Variants in CUBN observed in about 807,000 individuals in gnomAD.
CUBN encodes cubilin.
In CUBN, 282 loss-of-function variants were observed where a neutral mutation model predicts 405.3. The ratio of observed to expected loss-of-function variants is 0.70; its 90% CI spans 0.63 to 0.77. The LOEUF (loss-of-function observed/expected upper bound fraction) is 0.77. CUBN is among the 30% of genes least tolerant of loss of function. CUBN has a pLI of 0.00. For missense variants in CUBN, 4,514 were observed against 4,475.2 expected (o/e 1.01, Z -0.25); for synonymous variants, 1,684 against 1,617.0 (o/e 1.04, Z -0.99).
chr10:16,975,336 T>C (rs1260674590), intron 31 of CUBN, among the ~76,000 whole-genome samples: 1 of 152,210 alleles, frequency 6.6e-6, no homozygotes, highest in Non-Finnish European at 1.5e-5. Context: ...CATGCTGAAA[T>C]ATGGCAGTGT....
intron 17 of CUBN, among the ~76,000 whole-genome samples, chr10:17,079,386 C>A (rs1464842267): frequency 6.6e-6 from 1 of 151,880 alleles, no homozygotes; most frequent in Non-Finnish European, 1.5e-5. Context: ...CAGGTGCCCA[C>A]CATCACACTT....
intron 23 of CUBN, among the ~76,000 whole-genome samples, chr10:17,046,373 T>C (rs1406134582): frequency 6.6e-6 from 1 of 152,188 alleles, no homozygotes; most frequent in Non-Finnish European, 1.5e-5. Context: ...TCTTCACCCT[T>C]TCGAATAAAG....
At chr10:17,092,134 A>C (rs1180758141) in intron 14 of CUBN, among the ~76,000 whole-genome samples, 49 of 152,152 alleles carry the variant, frequency 3.2e-4, no homozygotes, top group Non-Finnish European at 1.0e-4. Flanking sequence ...TGTAGCACCA[A>C]CTGGCAGACT....
intron 54 of CUBN, among the ~76,000 whole-genome samples, chr10:16,891,881 C>T (rs567236297): frequency 4.5e-4 from 68 of 152,040 alleles, no homozygotes; most frequent in African/African-American, 1.4e-3. Context: ...AGGACTATTG[C>T]TACACAATCT....
At chr10:17,030,909 ACT>A (rs1834772817) in intron 27 of CUBN, among the ~76,000 whole-genome samples, 1 of 152,006 alleles carries the variant, frequency 6.6e-6, no homozygotes, top group South Asian at 2.1e-4. Context: ...ACAGAGTAAG[ACT>A]CTGTCTCAAA....
Position 16,948,542 on chromosome 10 carries a change from T to C in CUBN, c.5145A>G (p.Arg1715=), listed in dbSNP as rs1176269304. 2 of 1,613,890 alleles carry C rather than the reference T, an allele frequency of 1.2e-6. No homozygotes were observed. Among genetic ancestry groups the C allele is most frequent in the Non-Finnish European group, 1.7e-6 (2 of 1,179,988 alleles). ...ITSFSSALTL[R]FVSDSSISAG... The stretch of plus-strand genomic sequence containing the variant: ...CACTGATGCTAGAATCAGAGACGAA[T>C]CTCAGCGTCAGGGCGCTGCTGAAGG... Residue 1715 remains arginine (R), a synonymous_variant, in exon 35 of 67, where the codon AGA becomes AGG. Coordinates refer to ENST00000377833, the MANE Select transcript of CUBN (RefSeq NM_001081.4).
intron 17 of CUBN, among the ~76,000 whole-genome samples, chr10:17,072,900 G>T (rs905264916): frequency 2.4e-4 from 36 of 151,902 alleles, no homozygotes; most frequent in Non-Finnish European, 4.4e-5. Flanking sequence ...AGAAAAATAA[G>T]ATTTGAACAG....
At chr10:17,073,432 C>G (rs979434152) in intron 17 of CUBN, among the ~76,000 whole-genome samples, 1 of 144,066 alleles carries the variant, frequency 6.9e-6, no homozygotes, top group African/African-American at 2.5e-5. Flanking sequence ...GATTTTAAAT[C>G]AATAACCAGC....
intron 59 of CUBN, among the ~76,000 whole-genome samples, chr10:16,867,410 A>G (rs1440983694): frequency 1.3e-5 from 2 of 152,234 alleles, no homozygotes; most frequent in Admixed American, 6.5e-5. Context: ...AATAAAAACC[A>G]AAATGAAACA....
intron 40 of CUBN, among the ~76,000 whole-genome samples, chr10:16,930,879 T>C (rs1342201482): frequency 6.6e-6 from 1 of 152,166 alleles, no homozygotes; most frequent in Non-Finnish European, 1.5e-5. Context: ...GCTTTAGATA[T>C]TTGCTTCAGA....
chr10:17,011,613 A>G lies in CUBN; in HGVS notation c.4168+8220T>C, dbSNP rs544254155. Among the ~76,000 whole-genome samples, 11 of 152,256 alleles carry G rather than the reference A, an allele frequency of 7.2e-5. No homozygotes were observed. The East Asian group carries it at 2.1e-3, about 30-fold the overall frequency. ...GGGACCCGAGCAGGTTGCCGCTGCT[A>G]GCTCGGGTGGCCAGCTTTTATTCCC... is the stretch of plus-strand genomic sequence containing the variant. On this transcript the variant is annotated intron_variant, in intron 28 of 66. Transcript: ENST00000377833.
chr10:16,826,453 A>T (rs1291943107), intron 66 of CUBN, among the ~76,000 whole-genome samples: 1 of 152,216 alleles, frequency 6.6e-6, no homozygotes, highest in Non-Finnish European at 1.5e-5. Flanking sequence ...ACTTACAAAA[A>T]GTTGTATGTA....
chr10:17,126,875 T>C, intron 3 of CUBN, 76 bp from the exon 4 acceptor site: 2 of 1,453,576 alleles, frequency 1.4e-6, no homozygotes, highest in Non-Finnish European at 1.9e-6. Flanking sequence ...CCTTGACATA[T>C]TGTCCTAATG....
rs1347072202 is a variant in CUBN, at chr10:16,847,828, T to C, written c.9663+3407A>G. On this transcript the variant is annotated intron_variant, in intron 60 of 66. Coordinates refer to ENST00000377833, the MANE Select transcript of CUBN (RefSeq NM_001081.4). ...AATAATGGAATTGGTATGATTTTAC[T>C]TGTGTATCTACCACAGAGTTCAGTT... Among the ~76,000 whole-genome samples the C allele has an allele frequency of 2.6e-5, 4 of 152,378 alleles. No homozygotes were observed. In the East Asian group the frequency reaches 5.8e-4, roughly 22 times the overall value.
At chr10:17,110,154 G>GT (rs1836736594) in intron 9 of CUBN, among the ~76,000 whole-genome samples, 1 of 152,198 alleles carries the variant, frequency 6.6e-6, no homozygotes, top group South Asian at 2.1e-4. Flanking sequence ...TTCTTGGGTA[G>GT]TAATTCGATT....
intron 28 of CUBN, among the ~76,000 whole-genome samples, chr10:17,004,836 A>G (rs2131746517): frequency 6.6e-6 from 1 of 152,060 alleles, no homozygotes; most frequent in Non-Finnish European, 1.5e-5. Flanking sequence ...CAGCTGGCTA[A>G]TTTTTGAATT....
intron 28 of CUBN, among the ~76,000 whole-genome samples, chr10:17,005,371 T>A (rs985655259): frequency 6.6e-6 from 1 of 152,210 alleles, no homozygotes; most frequent in African/African-American, 2.4e-5. Context: ...TATATCTTTA[T>A]GCTTTATACA....
At chr10:16,898,578 G>T (rs552798017) in intron 54 of CUBN, among the ~76,000 whole-genome samples, 1 of 152,112 alleles carries the variant, frequency 6.6e-6, no homozygotes, top group East Asian at 1.9e-4. Flanking sequence ...ACTGCCACAC[G>T]AGCAGCATTT....
At chr10:17,085,483 T>C (rs1836084894) in intron 16 of CUBN, 114 bp downstream of exon 16, 2 of 1,068,686 alleles carry the variant, frequency 1.9e-6, no homozygotes, top group South Asian at 1.3e-5. Flanking sequence ...TAAAGAAATG[T>C]TCTTGGTCTA....
Sources: gnomAD v4.1 joint callset for allele counts (sites outside exome capture counted in the v4.1 genomes callset) on GRCh38, gnomAD v4.1.1 for gene constraint, MANE v1.5 for transcripts, NCBI Gene and HGNC (gene_info 2026-07-23, HGNC 2026-07-21) for gene names.